The following AGBL1 variants were observed in gnomAD, a reference collection of about 807,000 sequenced individuals.
The protein encoded by AGBL1 is AGBL carboxypeptidase 1, also known as cytosolic carboxypeptidase 4.
A neutral mutation model predicts 118.9 loss-of-function variants in AGBL1; 130 were observed. The observed-to-expected ratio is 1.09, with a 90% CI of 0.95 to 1.26. The LOEUF (loss-of-function observed/expected upper bound fraction) is 1.26. Among genes scored for constraint, AGBL1 ranks in the 50% most tolerant of loss-of-function variants. The pLI is 0.00. For synonymous variants in AGBL1, 555 were observed against 478.9 expected (o/e 1.16, Z -2.08); for missense variants, 1,584 against 1,298.1 (o/e 1.22, Z -3.38).
intron 18 of AGBL1, among the ~76,000 whole-genome samples, chr15:86,477,499 C>T (rs992590894): frequency 1.3e-5 from 2 of 152,132 alleles, no homozygotes; most frequent in Non-Finnish European, 2.9e-5. Flanking sequence ...GGATAAATTC[C>T]TGGGCACATA....
rs78979964 is a variant in AGBL1 at position 86,873,614 on chromosome 15, C to T, written c.3159-33473C>T. The stretch of plus-strand genomic sequence containing the variant: ...GTATAACAGAGGCCCTAGAGCAATC[C>T]TTTGCCCATTCCACCATGTTAGGAC... On this transcript the variant is annotated intron_variant, in intron 22 of 22. Transcript: ENST00000614907. Among the ~76,000 whole-genome samples the T allele has an allele frequency of 8.7e-4, 133 of 152,218 alleles. 1 individual carries two copies. Among genetic ancestry groups the T allele is most frequent in the African/African-American group, 3.1e-3 (130 of 41,538 alleles).
intron 22 of AGBL1, among the ~76,000 whole-genome samples, chr15:86,881,910 G>T (rs2141533378): frequency 6.6e-6 from 1 of 152,300 alleles, no homozygotes; most frequent in Non-Finnish European, 1.5e-5. Context: ...ACCAAAAGGG[G>T]ATGGTGGTAA....
chr15:86,532,308 C>T (rs1279193632), intron 19 of AGBL1, among the ~76,000 whole-genome samples: 1 of 151,964 alleles, frequency 6.6e-6, no homozygotes, highest in Non-Finnish European at 1.5e-5. Flanking sequence ...CATTGTCATA[C>T]ACCAACAACA....
intron 23 of AGBL1, among the ~76,000 whole-genome samples, chr15:86,929,392 A>G (rs780430449): frequency 1.3e-5 from 2 of 152,218 alleles, no homozygotes; most frequent in Non-Finnish European, 2.9e-5. Context: ...CAACCTCTGG[A>G]CAATACACAA....
intron 17 of AGBL1, among the ~76,000 whole-genome samples, chr15:86,319,783 A>G (rs558251038): frequency 4.1e-5 from 2 of 48,508 alleles, no homozygotes; most frequent in Admixed American, 6.1e-4. Flanking sequence ...TTTTTTTGAG[A>G]TGGACTCTTT....
chr15:86,080,990 C>T (rs530700446), intron 1 of AGBL1, among the ~76,000 whole-genome samples: 3 of 152,136 alleles, frequency 2.0e-5, no homozygotes, highest in East Asian at 1.9e-4. Context: ...ACATTTTGTA[C>T]GTATTTTCCT....
chr15:86,697,939 C>A (rs1442934556), intron 22 of AGBL1, among the ~76,000 whole-genome samples: 1 of 151,912 alleles, frequency 6.6e-6, no homozygotes, highest in African/African-American at 2.4e-5. Context: ...TGGGCTGTCT[C>A]CCAGGTCCTG....
At chr15:86,246,320 G>A (rs189750294) in intron 6 of AGBL1, among the ~76,000 whole-genome samples, 3 of 152,320 alleles carry the variant, frequency 2.0e-5, no homozygotes, top group Admixed American at 6.5e-5. Context: ...TGTTTCTGTC[G>A]TTACAGAGCC....
chr15:86,400,619 C>G (rs572586934), intron 18 of AGBL1, among the ~76,000 whole-genome samples: 1 of 144,088 alleles, frequency 6.9e-6, no homozygotes, highest in South Asian at 2.4e-4. Flanking sequence ...CCAACTCTTC[C>G]CCCACAAGTC....
At chr15:86,270,130 T>G in intron 14 of AGBL1, 63 bp downstream of exon 14, 1 of 1,543,624 alleles carries the variant, frequency 6.5e-7, no homozygotes, top group Non-Finnish European at 8.7e-7. Flanking sequence ...TCTTGACTGT[T>G]TGGATTCAAA....
intron 21 of AGBL1, among the ~76,000 whole-genome samples, chr15:86,634,317 G>A (rs2142446317): frequency 6.6e-6 from 1 of 152,224 alleles, no homozygotes; most frequent in South Asian, 2.1e-4. Context: ...CAACCCCAAA[G>A]CCGGATAACT....
intron 23 of AGBL1, among the ~76,000 whole-genome samples, chr15:86,978,630 A>G (rs528496149): frequency 6.6e-6 from 1 of 152,292 alleles, no homozygotes; most frequent in African/African-American, 2.4e-5. Context: ...TCCCAGGTGA[A>G]GGAGTGAACA....
chr15:86,957,540 C>G lies in AGBL1; in HGVS notation c.3222-30447C>G, dbSNP rs1023741866. On this transcript the variant is annotated intron_variant, in intron 23 of 24. Transcript: ENST00000441037. ...AAAATATCAATATATAAAAATTAAT[C>G]ACATTACTATATAGCAGCAGCAAAC... Among the ~76,000 whole-genome samples, 5 of 151,862 alleles carry G rather than the reference C, an allele frequency of 3.3e-5. 1 individual carries two copies. In the South Asian group the frequency reaches 1.0e-3, roughly 32 times the overall value.
intron 22 of AGBL1, among the ~76,000 whole-genome samples, chr15:86,731,064 C>T (rs937040800): frequency 6.6e-6 from 1 of 152,108 alleles, no homozygotes; most frequent in African/African-American, 2.4e-5. Flanking sequence ...CTCCTGACCT[C>T]AGGTGATCCG....
intron 1 of AGBL1, among the ~76,000 whole-genome samples, chr15:86,108,867 G>C (rs1432933386): frequency 6.6e-6 from 1 of 152,192 alleles, no homozygotes; most frequent in Non-Finnish European, 1.5e-5. Context: ...TGAGGCAGGA[G>C]AATCACTTGA....
chr15:86,279,941 C>G (rs1387949163), intron 16 of AGBL1, among the ~76,000 whole-genome samples, 158 bp downstream of exon 16: 2 of 152,154 alleles, frequency 1.3e-5, no homozygotes, highest in Non-Finnish European at 2.9e-5. Context: ...TTGTTACTGA[C>G]TTGGTGCTTT....
chr15:86,201,103 G>C (rs1484744252), intron 5 of AGBL1, among the ~76,000 whole-genome samples: 1 of 151,892 alleles, frequency 6.6e-6, no homozygotes. Context: ...AATTATATAT[G>C]ATAAATAGTC....
chr15:86,259,094 T>G (rs964256054), intron 9 of AGBL1, among the ~76,000 whole-genome samples: 13 of 152,346 alleles, frequency 8.5e-5, no homozygotes, highest in Middle Eastern at 3.4e-3. Context: ...TTGGCACTGT[T>G]GGCATTTAGA....
rs895041512 is a variant in AGBL1, at chr15:86,896,942, C to T, written c.3159-10145C>T. Reference sequence around the variant, plus strand: ...CTTTCTCAAGTAGTGTCTCCCTCTACCCACTACATGCACATTCCTAAGGAA... The same window carrying T: ...CTTTCTCAAGTAGTGTCTCCCTCTATCCACTACATGCACATTCCTAAGGAA... On this transcript the variant is annotated intron_variant, in intron 22 of 22. Transcript: ENST00000614907. Among the ~76,000 whole-genome samples, 64 of 152,168 alleles carry T rather than the reference C, an allele frequency of 4.2e-4. 1 individual carries two copies. The highest frequency in any genetic ancestry group is 1.5e-3 in the African/African-American group (62 of 41,452).
Sources: allele counts gnomAD v4.1 joint callset (sites outside exome capture counted in the v4.1 genomes callset), GRCh38; gene constraint gnomAD v4.1.1; transcripts MANE v1.5; gene names NCBI Gene and HGNC (gene_info 2026-07-23, HGNC 2026-07-21).